Variants in CNTN4 observed in about 807,000 individuals in gnomAD.
CNTN4 encodes contactin-4.
A neutral mutation model predicts 122.5 loss-of-function variants in CNTN4; 77 were observed. The observed-to-expected ratio is 0.63, with a 90% CI of 0.52 to 0.76. The LOEUF (loss-of-function observed/expected upper bound fraction) is 0.76. Ranked by LOEUF, CNTN4 falls within the 30% of genes least tolerant of loss-of-function variation. CNTN4 has a pLI of 0.00. For missense variants in CNTN4, 1,256 were observed against 1,259.1 expected, an observed-to-expected ratio of 1.00 and a Z score of 0.04; for synonymous variants, 512 against 447.0, an observed-to-expected ratio of 1.15 and a Z score of -1.83.
intron 6 of CNTN4, among the ~76,000 whole-genome samples, chr3:2,775,089 G>C (rs551156837): frequency 2.6e-5 from 4 of 152,340 alleles, no homozygotes; most frequent in African/African-American, 9.6e-5. Flanking sequence ...AGACATAAGT[G>C]ATGGTTTGCT....
intron 3 of CNTN4, among the ~76,000 whole-genome samples, chr3:2,497,942 C>T (rs2076496475): frequency 6.6e-6 from 1 of 152,074 alleles, no homozygotes; most frequent in Admixed American, 6.6e-5. Context: ...TTGCTCACTT[C>T]TACTCTTTTT....
intron 3 of CNTN4, among the ~76,000 whole-genome samples, chr3:2,353,546 T>G (rs2044733151): frequency 1.3e-5 from 2 of 152,028 alleles, no homozygotes; most frequent in Non-Finnish European, 2.9e-5. Context: ...GGTCTGCAGT[T>G]TCACTCCTGA....
intron 13 of CNTN4, among the ~76,000 whole-genome samples, chr3:2,979,205 T>C (rs1316656367): frequency 6.6e-6 from 1 of 152,060 alleles, no homozygotes; most frequent in Non-Finnish European, 1.5e-5. Flanking sequence ...GGGAGTTTTA[T>C]AAAATTGAGG....
rs75797202 is a variant in CNTN4, at chr3:2,722,588, C to T, written c.56-13627C>T. Among the ~76,000 whole-genome samples the T allele has an allele frequency of 1.7e-3, 263 of 152,264 alleles. 1 individual carries two copies. The highest frequency in any genetic ancestry group is 5.9e-3 in the African/African-American group (245 of 41,566). On this transcript the variant is annotated intron_variant, in intron 4 of 24. Coordinates refer to ENST00000418658, the MANE Select transcript of CNTN4 (RefSeq NM_175607.3). Reference sequence around the variant, plus strand: ...AACAACTCAATGGACGTGCTTTTTACCTCATCTTAAGAAAGCTAAGAAAAC... The same window carrying T: ...AACAACTCAATGGACGTGCTTTTTATCTCATCTTAAGAAAGCTAAGAAAAC...
At chr3:2,755,686 G>A (rs2090303608) in intron 6 of CNTN4, among the ~76,000 whole-genome samples, 2 of 152,042 alleles carry the variant, frequency 1.3e-5, no homozygotes, top group South Asian at 4.1e-4. Context: ...GTCCAGTTTG[G>A]GGACTGATAA....
At chr3:2,551,446 A>T (rs1195589469) in intron 3 of CNTN4, among the ~76,000 whole-genome samples, 1 of 152,154 alleles carries the variant, frequency 6.6e-6, no homozygotes, top group Non-Finnish European at 1.5e-5. Flanking sequence ...TATCCACATG[A>T]TAATGGATCA....
intron 3 of CNTN4, among the ~76,000 whole-genome samples, chr3:2,375,253 T>G (rs1415788727): frequency 1.3e-5 from 2 of 152,234 alleles, no homozygotes; most frequent in African/African-American, 4.8e-5. Flanking sequence ...GTATCTGTTA[T>G]GTTAGAGAAG....
At chr3:2,913,950 G>A (rs761093026) in intron 12 of CNTN4, among the ~76,000 whole-genome samples, 11 of 152,084 alleles carry the variant, frequency 7.2e-5, no homozygotes, top group East Asian at 3.8e-4. Context: ...GAAATTATAC[G>A]TAATATCCTC....
chr3:2,968,677 T>C (rs1044627797), intron 13 of CNTN4, among the ~76,000 whole-genome samples: 3 of 152,188 alleles, frequency 2.0e-5, no homozygotes, highest in African/African-American at 7.2e-5. Context: ...ACAGCCTCTC[T>C]GAGTCATTAC....
intron 14 of CNTN4, among the ~76,000 whole-genome samples, chr3:2,991,510 G>A (rs1334345512): frequency 6.6e-6 from 1 of 152,078 alleles, no homozygotes; most frequent in Non-Finnish European, 1.5e-5. Context: ...TAACAATCCT[G>A]TTACTTTAGA....
intron 3 of CNTN4, among the ~76,000 whole-genome samples, chr3:2,437,791 T>G (rs898191934): frequency 2.6e-5 from 4 of 152,210 alleles, no homozygotes; most frequent in Non-Finnish European, 4.4e-5. Context: ...TGAAGATTCA[T>G]GACATTTATA....
chr3:2,267,941 G>A (rs2041119595), intron 2 of CNTN4, among the ~76,000 whole-genome samples: 2 of 152,010 alleles, frequency 1.3e-5, no homozygotes. Context: ...TAGAGTTATA[G>A]TGATGGAGGT....
intron 3 of CNTN4, among the ~76,000 whole-genome samples, chr3:2,529,858 G>A (rs569064293): frequency 3.0e-4 from 46 of 152,256 alleles, no homozygotes; most frequent in Admixed American, 9.8e-4. Flanking sequence ...GATAATACCA[G>A]AATATCTTGA....
intron 4 of CNTN4, among the ~76,000 whole-genome samples, chr3:2,596,969 T>A (rs557784218): frequency 1.8e-4 from 27 of 152,246 alleles, no homozygotes; most frequent in South Asian, 8.3e-4. Context: ...ATTTTTTTTT[T>A]AAATTTGAGT....
chr3:2,679,911 C>G (rs970555358), intron 4 of CNTN4, among the ~76,000 whole-genome samples: 1 of 152,056 alleles, frequency 6.6e-6, no homozygotes, highest in Admixed American at 6.6e-5. Context: ...TCTAATTTTG[C>G]TTATCATTTA....
intron 3 of CNTN4, among the ~76,000 whole-genome samples, chr3:2,440,523 T>A (rs1403161038): frequency 6.6e-6 from 1 of 152,144 alleles, no homozygotes; most frequent in East Asian, 1.9e-4. Flanking sequence ...ACTTTTAATA[T>A]GTGCGTGTTG....
intron 10 of CNTN4, among the ~76,000 whole-genome samples, chr3:2,888,009 G>T (rs1212851690): frequency 2.0e-5 from 3 of 152,064 alleles, no homozygotes; most frequent in African/African-American, 7.2e-5. Context: ...ATTTAAGAAT[G>T]GTTTAAACAA....
chr3:2,459,233 G>C (rs1205437225), intron 3 of CNTN4, among the ~76,000 whole-genome samples: 1 of 152,100 alleles, frequency 6.6e-6, no homozygotes, highest in Non-Finnish European at 1.5e-5. Context: ...TTGGCAATTT[G>C]AATGCATCAC....
At chr3:2,561,477 TG>T (rs1247699344) in intron 3 of CNTN4, among the ~76,000 whole-genome samples, 1 of 152,048 alleles carries the variant, frequency 6.6e-6, no homozygotes, top group Non-Finnish European at 1.5e-5. Flanking sequence ...CAGTGCTCAG[TG>T]GGAAATCCAA....
Sources: allele counts gnomAD v4.1 joint callset (sites outside exome capture counted in the v4.1 genomes callset), GRCh38; gene constraint gnomAD v4.1.1; transcripts MANE v1.5; gene names NCBI Gene and HGNC (gene_info 2026-07-23, HGNC 2026-07-21).